The following PTPRT variants were observed in gnomAD, a reference collection of about 807,000 sequenced individuals.
The protein encoded by PTPRT is protein tyrosine phosphatase receptor type T.
PTPRT carries 56 observed loss-of-function variants against 176.8 expected under a neutral mutation model. The observed-to-expected ratio is 0.32, with a 90% CI of 0.26 to 0.40. The LOEUF (loss-of-function observed/expected upper bound fraction) is 0.40. Ranked by LOEUF, PTPRT falls within the 10% of genes least tolerant of loss-of-function variation. The pLI, the probability that PTPRT is intolerant of heterozygous loss-of-function variation, is 1.00. For synonymous variants in PTPRT, 783 were observed against 739.0 expected, an observed-to-expected ratio of 1.06 and a Z score of -0.96; for missense variants, 1,540 against 1,908.2, an observed-to-expected ratio of 0.81 and a Z score of 3.60.
rs1229142710 is a variant in PTPRT, at chr20:42,845,044, T to C, written c.214+40763A>G. 2.6e-5 allele frequency among the ~76,000 whole-genome samples: 4 copies of C among 152,176 alleles called. No homozygotes were observed. The East Asian group carries it at 7.7e-4, about 29-fold the overall frequency. ...ATTCAGCTCTCATCCCTTGTTACTA[T>C]GAAGGTAAGGATGAAGATGCCCCTG... is the stretch of plus-strand genomic sequence containing the variant. On this transcript the variant is annotated intron_variant, in intron 2 of 30. Coordinates refer to ENST00000373187, the MANE Select transcript of PTPRT (RefSeq NM_007050.6).
chr20:42,958,805 G>C (rs1220713232), intron 1 of PTPRT, among the ~76,000 whole-genome samples: 1 of 152,046 alleles, frequency 6.6e-6, no homozygotes, highest in African/African-American at 2.4e-5. Context: ...TCACCCCTCG[G>C]CTGTTAACTT....
chr20:42,668,355 CT>C (rs1249430220), intron 7 of PTPRT, among the ~76,000 whole-genome samples: 5 of 152,142 alleles, frequency 3.3e-5, no homozygotes, highest in Non-Finnish European at 5.9e-5. Context: ...AAAATAAACA[CT>C]GCCACCTTCT....
chr20:42,377,712 G>C (rs554617278), intron 9 of PTPRT, among the ~76,000 whole-genome samples: 1 of 152,316 alleles, frequency 6.6e-6, no homozygotes, highest in African/African-American at 2.4e-5. Flanking sequence ...TGTGAGCCTT[G>C]TGACTGTGGA....
At chr20:43,159,189 C>A (rs921680356) in intron 1 of PTPRT, among the ~76,000 whole-genome samples, 1 of 152,164 alleles carries the variant, frequency 6.6e-6, no homozygotes, top group African/African-American at 2.4e-5. Context: ...AGAGTACACA[C>A]CCCAGAGTTC....
rs78232815 is a variant in PTPRT at position 42,528,150 on chromosome 20, G to A, written c.1154-55588C>T. On this transcript the variant is annotated intron_variant, in intron 7 of 30. Transcript: ENST00000373187. ...ACATGTTATGCTTCTTCCAGCTCTC[G>A]GGTGTTTGCATATTTAGTTCCTTCT... Among the ~76,000 whole-genome samples, 598 of 152,058 alleles carry A rather than the reference G, an allele frequency of 3.9e-3. 6 individuals carry two copies. The highest frequency in any genetic ancestry group is 0.014 in the African/African-American group (565 of 41,470).
At chr20:42,879,363 T>C (rs1016983667) in intron 2 of PTPRT, among the ~76,000 whole-genome samples, 6 of 152,200 alleles carry the variant, frequency 3.9e-5, no homozygotes, top group African/African-American at 1.4e-4. Context: ...CCTTGCCTTA[T>C]GGCTGCATTG....
the PTPRT span, among the ~76,000 whole-genome samples, chr20:42,046,376 A>G: frequency 8.5e-5 from 13 of 152,366 alleles, no homozygotes; most frequent in South Asian, 2.1e-4. Context: ...ATCAATGCTT[A>G]TCTCTGCCAG....
Position 42,283,902 on chromosome 20 carries a change from G to A in PTPRT, c.2140-1377C>T, listed in dbSNP as rs1284234269. ...TGCTGGAAATGATCACTTCTATTACGTCCAAGTATGACTCCCCATAATTAA... is the reference window on the plus strand; with the variant it reads ...TGCTGGAAATGATCACTTCTATTACATCCAAGTATGACTCCCCATAATTAA... On this transcript the variant is annotated intron_variant, in intron 12 of 30. Coordinates refer to ENST00000373187, the MANE Select transcript of PTPRT (RefSeq NM_007050.6). 3.9e-5 allele frequency among the ~76,000 whole-genome samples: 6 copies of A among 151,932 alleles called. No homozygotes were observed. The South Asian group carries it at 1.0e-3, about 26-fold the overall frequency.
At chr20:43,170,186 C>T (rs927857490) in intron 1 of PTPRT, among the ~76,000 whole-genome samples, 2 of 151,556 alleles carry the variant, frequency 1.3e-5, no homozygotes, top group African/African-American at 4.8e-5. Flanking sequence ...GGGGGAAATT[C>T]CTTATTTGAT....
At chr20:42,656,018 G>T (rs1438778463) in intron 7 of PTPRT, among the ~76,000 whole-genome samples, 1 of 152,170 alleles carries the variant, frequency 6.6e-6, no homozygotes, top group African/African-American at 2.4e-5. Flanking sequence ...AATCAGAGAT[G>T]AGAAACAGTG....
chr20:42,569,102 A>ATG (rs2073106522), intron 7 of PTPRT, among the ~76,000 whole-genome samples: 1 of 121,272 alleles, frequency 8.2e-6, no homozygotes, highest in African/African-American at 3.0e-5. Flanking sequence ...ATATATATAT[A>ATG]TATATATATA....
chr20:42,948,748 A>G (rs896916440), intron 1 of PTPRT, among the ~76,000 whole-genome samples: 1 of 152,142 alleles, frequency 6.6e-6, no homozygotes, highest in Non-Finnish European at 1.5e-5. Flanking sequence ...AAATGACCCA[A>G]TACATTTACT....
rs1410842996 is a variant in PTPRT, at chr20:42,587,876, G to GC, written c.1153+89989_1153+89990insG. Among the ~76,000 whole-genome samples the GC allele has an allele frequency of 9.2e-5, 14 of 152,240 alleles. No individual in the cohort carries two copies. In the East Asian group the frequency reaches 2.7e-3, roughly 29 times the overall value. On this transcript the variant is annotated intron_variant, in intron 7 of 30. Transcript: ENST00000373187. The stretch of plus-strand genomic sequence containing the variant: ...TCAAATTCTGCCACTGTTTAGCTGG[G>GC]TGACTTTGGGCAAATTACTTCTAGT...
At chr20:42,358,023 G>T (rs1267141224) in intron 9 of PTPRT, among the ~76,000 whole-genome samples, 1 of 151,416 alleles carries the variant, frequency 6.6e-6, no homozygotes, top group African/African-American at 2.4e-5. Context: ...ACATGACAAC[G>T]AAATGCTATG....
At chr20:42,196,137 C>T (rs577773574) in intron 16 of PTPRT, among the ~76,000 whole-genome samples, 5 of 152,074 alleles carry the variant, frequency 3.3e-5, no homozygotes, top group Non-Finnish European at 7.4e-5. Flanking sequence ...AAGAGTCCTC[C>T]CAGGGTACTT....
At chr20:42,992,982 T>C (rs538910999) in intron 1 of PTPRT, among the ~76,000 whole-genome samples, 1 of 152,286 alleles carries the variant, frequency 6.6e-6, no homozygotes, top group African/African-American at 2.4e-5. Flanking sequence ...AACAGTTGCA[T>C]AGCCTTTTCT....
intron 8 of PTPRT, among the ~76,000 whole-genome samples, chr20:42,464,149 ACAT>A (rs1253611470): frequency 6.6e-6 from 1 of 152,230 alleles, no homozygotes; most frequent in African/African-American, 2.4e-5. Context: ...AAGACGTCAT[ACAT>A]ATCCCCCATC....
intron 9 of PTPRT, among the ~76,000 whole-genome samples, chr20:42,429,548 G>A (rs1236000493): frequency 6.6e-6 from 1 of 152,084 alleles, no homozygotes; most frequent in Non-Finnish European, 1.5e-5. Flanking sequence ...CAGAAGGCAA[G>A]GCAACACAGT....
intron 9 of PTPRT, among the ~76,000 whole-genome samples, chr20:42,387,713 C>G (rs2058757785): frequency 6.6e-6 from 1 of 151,986 alleles, no homozygotes; most frequent in African/African-American, 2.4e-5. Flanking sequence ...AATATACCTA[C>G]AGACAATTTT....
Sources: allele counts gnomAD v4.1 joint callset (sites outside exome capture counted in the v4.1 genomes callset), GRCh38; gene constraint gnomAD v4.1.1; transcripts MANE v1.5; gene names NCBI Gene and HGNC (gene_info 2026-07-23, HGNC 2026-07-21).